The following PTPRD variants were observed in gnomAD, a reference collection of about 807,000 sequenced individuals.
The protein encoded by PTPRD is receptor-type tyrosine-protein phosphatase delta.
Under a neutral mutation model 214.5 loss-of-function variants are expected in PTPRD, and 34 were observed. The ratio of observed to expected loss-of-function variants is 0.16; its 90% CI spans 0.12 to 0.21. The LOEUF (loss-of-function observed/expected upper bound fraction) is 0.21. Among genes scored for constraint, PTPRD ranks in the 10% least tolerant of loss-of-function variants. The probability of loss-of-function intolerance (pLI) is 1.00; values close to 1 mark genes in which losing one functional copy is unlikely to be tolerated. For missense variants in PTPRD, 2,545 were observed against 2,398.7 expected (o/e 1.06, Z -1.27); for synonymous variants, 1,128 against 845.7 (o/e 1.33, Z -5.79).
At chr9:9,894,883 T>G (rs1306055052) in intron 5 of PTPRD, among the ~76,000 whole-genome samples, 1 of 152,024 alleles carries the variant, frequency 6.6e-6, no homozygotes, top group African/African-American at 2.4e-5. Flanking sequence ...TTCTCTGATT[T>G]TAACTGTAAG....
intron 9 of PTPRD, among the ~76,000 whole-genome samples, chr9:9,279,856 T>A (rs1463262887): frequency 6.6e-6 from 1 of 151,188 alleles, no homozygotes; most frequent in Non-Finnish European, 1.5e-5. Flanking sequence ...ACTTATACAT[T>A]CAGTATAAGA....
intron 34 of PTPRD, among the ~76,000 whole-genome samples, chr9:8,445,667 CT>C (rs2133194620): frequency 6.6e-6 from 1 of 152,150 alleles, no homozygotes; most frequent in South Asian, 2.1e-4. Flanking sequence ...AGTCCTATTC[CT>C]AGAAAAACTA....
intron 27 of PTPRD, among the ~76,000 whole-genome samples, chr9:8,491,972 C>A (rs1027486328): frequency 1.3e-5 from 2 of 152,128 alleles, no homozygotes; most frequent in African/African-American, 4.8e-5. Flanking sequence ...AATCCTTCTG[C>A]AATTATCTCT....
Position 8,315,697 on chromosome 9 carries a change from C to A in PTPRD, c.*2177G>T, listed in dbSNP as rs1331313819. 2 of 227,622 alleles carry A rather than the reference C, an allele frequency of 8.8e-6. No individual in the cohort carries two copies. Among genetic ancestry groups the A allele is most frequent in the African/African-American group, 4.5e-5 (2 of 44,862 alleles). 14.1% of individuals were successfully genotyped at this position (227,622 alleles called of 1,614,324 possible). A position where few individuals can be genotyped will look rare whatever the true frequency, so the allele number is the denominator to read the frequency against. On this transcript the variant is annotated 3_prime_UTR_variant, in exon 46 of 46. Coordinates refer to ENST00000381196, the MANE Select transcript of PTPRD (RefSeq NM_002839.4). ...CAAAAGTGCTCAAATACAATGCTTG[C>A]AAATGTTTGGTCTCTTGGATTTCAC...
At chr9:9,745,452 T>C (rs1458760447) in intron 6 of PTPRD, among the ~76,000 whole-genome samples, 1 of 152,132 alleles carries the variant, frequency 6.6e-6, no homozygotes, top group African/African-American at 2.4e-5. Context: ...ACTCAGACTA[T>C]GAAATTAAAA....
chr9:10,099,180 T>G (rs2098526364), intron 3 of PTPRD, among the ~76,000 whole-genome samples: 1 of 151,874 alleles, frequency 6.6e-6, no homozygotes, highest in East Asian at 1.9e-4. Context: ...TCAGCATAAG[T>G]GTACTTATTA....
intron 3 of PTPRD, among the ~76,000 whole-genome samples, chr9:10,334,424 C>G (rs2096806266): frequency 6.6e-6 from 1 of 150,476 alleles, no homozygotes; most frequent in Non-Finnish European, 1.5e-5. Flanking sequence ...ATATCTATCC[C>G]ACCCCCCACC....
At chr9:8,889,818 C>T (rs927450168) in intron 11 of PTPRD, among the ~76,000 whole-genome samples, 10 of 152,154 alleles carry the variant, frequency 6.6e-5, no homozygotes, top group Non-Finnish European at 1.3e-4. Context: ...GAGTAGTATT[C>T]CATGGTGTAT....
Position 10,533,152 on chromosome 9 carries a change from G to A in PTPRD, c.-600+79246C>T, listed in dbSNP as rs833433. Among the ~76,000 whole-genome samples the A allele has an allele frequency of 3.3e-3, 500 of 152,100 alleles. 1 individual carries two copies. The highest frequency in any genetic ancestry group is 5.4e-3 in the Non-Finnish European group (368 of 67,990). ...CCTACATGATCTCTTTGCATACACA[G>A]GTTCCATTCCTGCTTTCCTCCAGGA... On this transcript the variant is annotated intron_variant, in intron 2 of 45. Coordinates refer to ENST00000381196, the MANE Select transcript of PTPRD (RefSeq NM_002839.4).
At chr9:10,446,698 G>T (rs972777906) in intron 2 of PTPRD, among the ~76,000 whole-genome samples, 7 of 152,046 alleles carry the variant, frequency 4.6e-5, no homozygotes, top group African/African-American at 1.7e-4. Flanking sequence ...TGATTTATCT[G>T]CAAGAAAACC....
intron 26 of PTPRD, among the ~76,000 whole-genome samples, chr9:8,495,202 G>A (rs2097236196): frequency 6.6e-6 from 1 of 152,070 alleles, no homozygotes; most frequent in Non-Finnish European, 1.5e-5. Context: ...AAGTTCAAAT[G>A]AACTAAAACT....
chr9:8,915,611 G>A (rs1471447788), intron 11 of PTPRD, among the ~76,000 whole-genome samples: 1 of 152,150 alleles, frequency 6.6e-6, no homozygotes, highest in East Asian at 1.9e-4. Context: ...AGACCTAGGT[G>A]AGCTGATGCG....
chr9:10,511,569 A>ATTTTTTTTTTT lies in PTPRD; in HGVS notation c.-600+100818_-600+100828dup, dbSNP rs66768632. Among the ~76,000 whole-genome samples, 22 of 127,866 alleles carry ATTTTTTTTTTT rather than the reference A, an allele frequency of 1.7e-4. 3 individuals are homozygous for ATTTTTTTTTTT. The highest frequency in any genetic ancestry group is 3.3e-4 in the Admixed American group (4 of 12,298). 83.9% of individuals were successfully genotyped at this position (127,866 alleles called of 152,430 possible). ...CAGGTGTGCGCCACCACACCCTGGTATTTTTTTTTTTTTTTTTTGTATTTT... is the reference window on the plus strand; with the variant it reads ...CAGGTGTGCGCCACCACACCCTGGTATTTTTTTTTTTTTTTTTTTTTTTTTTTTTGTATTTT... On this transcript the variant is annotated intron_variant, in intron 2 of 45. Coordinates refer to ENST00000381196, the MANE Select transcript of PTPRD (RefSeq NM_002839.4).
intron 9 of PTPRD, among the ~76,000 whole-genome samples, chr9:9,261,849 G>C (rs570627083): frequency 6.6e-6 from 1 of 151,816 alleles, no homozygotes; most frequent in Non-Finnish European, 1.5e-5. Flanking sequence ...AAGTGAGAAA[G>C]AATAAACTTT....
chr9:9,740,307 T>C (rs1332565375), intron 6 of PTPRD, among the ~76,000 whole-genome samples: 2 of 152,206 alleles, frequency 1.3e-5, no homozygotes, highest in Admixed American at 6.5e-5. Flanking sequence ...ATTCATAGTC[T>C]TTTGTTCAAC....
intron 7 of PTPRD, among the ~76,000 whole-genome samples, chr9:9,674,397 C>T (rs1458524177): frequency 1.3e-5 from 2 of 150,476 alleles, no homozygotes; most frequent in African/African-American, 4.9e-5. Flanking sequence ...GGAACAACAA[C>T]ATTAAATTGA....
At chr9:9,036,988 C>A (rs2099623904) in intron 10 of PTPRD, among the ~76,000 whole-genome samples, 1 of 152,128 alleles carries the variant, frequency 6.6e-6, no homozygotes, top group African/African-American at 2.4e-5. Flanking sequence ...AACACAAATG[C>A]ACAAAAACGT....
At chr9:9,560,870 G>T (rs1361054859) in intron 8 of PTPRD, among the ~76,000 whole-genome samples, 3 of 152,104 alleles carry the variant, frequency 2.0e-5, no homozygotes, top group Non-Finnish European at 1.5e-5. Flanking sequence ...TGTGCAGCAG[G>T]TTCTCCCTTG....
chr9:9,474,514 C>A, intron 8 of PTPRD, among the ~76,000 whole-genome samples: 1 of 152,014 alleles, frequency 6.6e-6, no homozygotes, highest in East Asian at 1.9e-4. Flanking sequence ...TGTATTAAAT[C>A]TATAGATTGC....
Sources: allele counts gnomAD v4.1 joint callset (sites outside exome capture counted in the v4.1 genomes callset), GRCh38; gene constraint gnomAD v4.1.1; transcripts MANE v1.5; gene names NCBI Gene and HGNC (gene_info 2026-07-23, HGNC 2026-07-21).